Variants in INSC observed in about 807,000 individuals in gnomAD.
INSC encodes the protein INSC spindle orientation adaptor protein, also known as protein inscuteable homolog.
Under a neutral mutation model 58.6 loss-of-function variants are expected in INSC, and 67 were observed. The observed-to-expected ratio is 1.14, with a 90% confidence interval of 0.94 to 1.40. The LOEUF (loss-of-function observed/expected upper bound fraction) is 1.40. Ranked by LOEUF, INSC falls within the 40% of genes most tolerant of loss-of-function variation. INSC has a pLI of 0.00. For missense variants in INSC, 714 were observed against 692.0 expected, an observed-to-expected ratio of 1.03 and a Z score of -0.36; for synonymous variants, 262 against 276.1, an observed-to-expected ratio of 0.95 and a Z score of 0.51.
rs549821127 is a variant in INSC, at chr11:15,135,014, G to A, written c.-45-14116G>A. Among the ~76,000 whole-genome samples the A allele has an allele frequency of 7.9e-5, 12 of 152,140 alleles. No homozygotes were observed. In the East Asian group the frequency reaches 2.1e-3, roughly 27 times the overall value. ...CCACTTTCTTTATTCCTATTTGGAG[G>A]GAGAAATTAGTGTAAGTTAGGGTGT... is the stretch of plus-strand genomic sequence containing the variant. On this transcript the variant is annotated intron_variant, in intron 1 of 12. Transcript: ENST00000379556.
At chr11:15,153,811 G>C (rs538195902) in intron 2 of INSC, among the ~76,000 whole-genome samples, 8 of 152,290 alleles carry the variant, frequency 5.3e-5, no homozygotes, top group African/African-American at 1.9e-4. Flanking sequence ...TATAAGATGG[G>C]GAAACTGAGG....
intron 1 of INSC, among the ~76,000 whole-genome samples, chr11:15,134,005 C>T (rs1848183422): frequency 8.1e-6 from 1 of 122,700 alleles, no homozygotes; most frequent in Non-Finnish European, 1.8e-5. Flanking sequence ...GCTTGATATG[C>T]CTCTCTAAAA....
chr11:15,176,215 GGAAA>G (rs1849570663), intron 3 of INSC, 129 bp downstream of exon 3: 2 of 750,324 alleles, frequency 2.7e-6, no homozygotes, highest in Non-Finnish European at 2.1e-6. Flanking sequence ...CAGTAAAGGA[GGAAA>G]GAAAGAGAGT....
At chr11:15,248,230 A>G (rs772632860), downstream of INSC, among the ~76,000 whole-genome samples, 3 of 152,220 alleles carry the variant, frequency 2.0e-5, no homozygotes, top group African/African-American at 4.8e-5. Context: ...TTACTGCTTC[A>G]TCAAGGATAT....
At chr11:15,236,975 A>T (rs1179901685) in intron 10 of INSC, among the ~76,000 whole-genome samples, 1 of 152,216 alleles carries the variant, frequency 6.6e-6, no homozygotes, top group Non-Finnish European at 1.5e-5. Context: ...TTCTTTCGGT[A>T]CTTATAGAGC....
At chr11:15,247,257 A>G (rs1852596353), downstream of INSC, 1 of 152,214 alleles carries the variant, frequency 6.6e-6, no homozygotes, top group South Asian at 2.1e-4. Context: ...TGGGCTAAGC[A>G]TCTAATTTGC....
chr11:15,114,870 G>C (rs2133667558), upstream of INSC: 1 of 905,032 alleles, frequency 1.1e-6, no homozygotes, highest in Non-Finnish European at 1.3e-6. Context: ...AACGGGGCGG[G>C]GGGTGGGGCG....
chr11:15,222,591 C>T (rs1390808370), intron 8 of INSC, among the ~76,000 whole-genome samples: 2 of 152,158 alleles, frequency 1.3e-5, no homozygotes, highest in Admixed American at 6.5e-5. Context: ...GATCCCGCCA[C>T]TCACTTCTTA....
intron 7 of INSC, among the ~76,000 whole-genome samples, chr11:15,206,353 T>A (rs1469085785): frequency 6.6e-6 from 1 of 152,044 alleles, no homozygotes; most frequent in East Asian, 1.9e-4. Context: ...AGGAAAGCAG[T>A]CTTAACAAGG....
chr11:15,168,105 T>C (rs1849266011), intron 2 of INSC, among the ~76,000 whole-genome samples: 2 of 152,154 alleles, frequency 1.3e-5, no homozygotes, highest in African/African-American at 4.8e-5. Context: ...TCATCTACTT[T>C]ATTATTTTAT....
chr11:15,248,795 C>T (rs1022071675), downstream of INSC, among the ~76,000 whole-genome samples: 1 of 152,182 alleles, frequency 6.6e-6, no homozygotes, highest in Admixed American at 6.5e-5. Flanking sequence ...TAGTAGGAAA[C>T]AGACTTTAAC....
chr11:15,259,464 TG>T, the INSC span, among the ~76,000 whole-genome samples: 2 of 152,202 alleles, frequency 1.3e-5, no homozygotes, highest in African/African-American at 4.8e-5. Context: ...AATAATAAAA[TG>T]TTTCTCTTTT....
intron 8 of INSC, among the ~76,000 whole-genome samples, chr11:15,225,054 C>T (rs1382683922): frequency 6.6e-6 from 1 of 152,198 alleles, no homozygotes; most frequent in Non-Finnish European, 1.5e-5. Context: ...CACACATGGA[C>T]TGAGAGCTCC....
intron 2 of INSC, among the ~76,000 whole-genome samples, chr11:15,163,109 A>G (rs1260466054): frequency 3.3e-5 from 5 of 152,098 alleles, no homozygotes; most frequent in Non-Finnish European, 7.4e-5. Context: ...GAGAATTTCT[A>G]CTCACCTTAC....
intron 2 of INSC, among the ~76,000 whole-genome samples, chr11:15,171,446 A>G (rs1849393909): frequency 6.6e-6 from 1 of 152,032 alleles, no homozygotes; most frequent in African/African-American, 2.4e-5. Context: ...GGCTTTCCTT[A>G]TCATGGTTCC....
chr11:15,141,074 C>CTCCTCT (rs1848359231), intron 1 of INSC, among the ~76,000 whole-genome samples: 1 of 152,112 alleles, frequency 6.6e-6, no homozygotes, highest in Non-Finnish European at 1.5e-5. Context: ...CCCTGTCTGC[C>CTCCTCT]TCCTCTTCCT....
At chr11:15,116,885 CT>C (rs1847732727) in intron 1 of INSC, among the ~76,000 whole-genome samples, 1 of 8,682 alleles carries the variant, frequency 1.2e-4, no homozygotes, top group African/African-American at 3.3e-4. Flanking sequence ...CTCCCCCTCC[CT>C]CCCTCCCTCC....
rs371335288 is a variant in INSC, at chr11:15,177,110, G to A, written c.403-1G>A. On this transcript the variant is annotated splice_acceptor_variant, in intron 3 of 12. Transcript: ENST00000379556. LOFTEE classifies it high-confidence loss of function. ...AATAAAATGGACTTATTTTTCTACAGATTGAGAAGCTGCTAATGGAGAAAT... is the reference window on the plus strand; with the variant it reads ...AATAAAATGGACTTATTTTTCTACAAATTGAGAAGCTGCTAATGGAGAAAT... 6.2e-6 allele frequency: 10 copies of A among 1,613,668 alleles called. No individual in the cohort carries two copies. The African/African-American group carries it at 1.3e-4, about 22-fold the overall frequency.
chr11:15,246,055 G>T lies in INSC; in HGVS notation c.*15G>T. 1 of 1,613,940 alleles carries T rather than the reference G, an allele frequency of 6.2e-7. No individual in the cohort carries two copies. Among genetic ancestry groups the T allele is most frequent in the Non-Finnish European group, 8.5e-7 (1 of 1,179,886 alleles). ...GTTTTGTGTAGTGAGTGTGGGCGAAGAAATACATTTGGCTGTTCTCACACC... is the reference window on the plus strand; with the variant it reads ...GTTTTGTGTAGTGAGTGTGGGCGAATAAATACATTTGGCTGTTCTCACACC... On this transcript the variant is annotated 3_prime_UTR_variant, in exon 13 of 13. Coordinates refer to ENST00000379556, the MANE Select transcript of INSC (RefSeq NM_001042536.3).
Sources: allele counts gnomAD v4.1 joint callset (sites outside exome capture counted in the v4.1 genomes callset), GRCh38; gene constraint gnomAD v4.1.1; transcripts MANE v1.5; gene names NCBI Gene and HGNC (gene_info 2026-07-23, HGNC 2026-07-21).